GALNT17: variants seen among roughly 807,000 people sequenced by gnomAD.
GALNT17 encodes polypeptide N-acetylgalactosaminyltransferase 17.
A neutral mutation model predicts 63.7 loss-of-function variants in GALNT17; 29 were observed. That is an observed-to-expected ratio of 0.46 (90% confidence interval 0.34 to 0.62). GALNT17 has a LOEUF of 0.62. Ranked by LOEUF, GALNT17 falls within the 20% of genes least tolerant of loss-of-function variation. The probability of loss-of-function intolerance (pLI) is 0.01; values close to 1 mark genes in which losing one functional copy is unlikely to be tolerated. For synonymous variants in GALNT17, 305 were observed against 318.3 expected (o/e 0.96, Z 0.45); for missense variants, 603 against 799.6 (o/e 0.75, Z 2.97).
At chr7:71,264,815 A>T (rs1790457925) in intron 1 of GALNT17, among the ~76,000 whole-genome samples, 1 of 152,116 alleles carries the variant, frequency 6.6e-6, no homozygotes, top group African/African-American at 2.4e-5. Flanking sequence ...GATAGATACC[A>T]GAGGCTGGGA....
In GALNT17 at chr7:71,414,198, G is replaced by A. The variant is rs1036276192; in HGVS notation, c.590-1691G>A. On this transcript the variant is annotated intron_variant, in intron 3 of 10. Transcript: ENST00000333538. ...GGAGGTTGCAGTGAGCTGAGATCGC[G>A]CCACTGCATTTCAGCCTGGGCAACG... Among the ~76,000 whole-genome samples the A allele has an allele frequency of 2.1e-4, 32 of 152,048 alleles. 1 individual carries two copies. Among genetic ancestry groups the A allele is most frequent in the African/African-American group, 5.6e-4 (23 of 41,410 alleles).
At chr7:71,664,968 A>ATTATTTAT (rs370230791) in intron 6 of GALNT17, among the ~76,000 whole-genome samples, 42 of 151,978 alleles carry the variant, frequency 2.8e-4, no homozygotes, top group African/African-American at 9.9e-4. Context: ...TCTCATTGGC[A>ATTATTTAT]TTATTTATTT....
At chr7:71,646,123 A>G (rs1272468803) in intron 6 of GALNT17, among the ~76,000 whole-genome samples, 1 of 152,206 alleles carries the variant, frequency 6.6e-6, no homozygotes, top group Non-Finnish European at 1.5e-5. Context: ...CTGATACACC[A>G]TCGTGGAACA....
intron 5 of GALNT17, among the ~76,000 whole-genome samples, chr7:71,462,362 G>C (rs772724823): frequency 2.0e-5 from 3 of 152,240 alleles, no homozygotes; most frequent in Non-Finnish European, 4.4e-5. Context: ...AGAGGAGAGA[G>C]ATTGGGGTCA....
chr7:71,658,184 G>A (rs947750172), intron 6 of GALNT17, among the ~76,000 whole-genome samples: 2 of 152,218 alleles, frequency 1.3e-5, no homozygotes, highest in Admixed American at 6.5e-5. Flanking sequence ...TGGGATTCCA[G>A]TCATATGCCA....
intron 3 of GALNT17, among the ~76,000 whole-genome samples, chr7:71,402,938 C>A (rs560166712): frequency 3.3e-5 from 5 of 152,298 alleles, no homozygotes; most frequent in South Asian, 4.1e-4. Flanking sequence ...TGCCTTCCCC[C>A]CTGCCTGTAA....
chr7:71,437,199 A>T (rs1786981332), intron 5 of GALNT17, among the ~76,000 whole-genome samples: 1 of 151,956 alleles, frequency 6.6e-6, no homozygotes, highest in Admixed American at 6.6e-5. Context: ...TAGATAAACT[A>T]CTCTGCATCC....
intron 1 of GALNT17, among the ~76,000 whole-genome samples, chr7:71,202,075 G>A (rs1316914294): frequency 1.3e-5 from 2 of 152,076 alleles, no homozygotes; most frequent in Admixed American, 1.3e-4. Flanking sequence ...GTTCAATGAA[G>A]AAAATCCTCT....
chr7:71,263,931 CA>C (rs1284424263), intron 1 of GALNT17, among the ~76,000 whole-genome samples: 2 of 151,870 alleles, frequency 1.3e-5, no homozygotes. Context: ...CCCAAAAAAA[CA>C]AAAAAACAAC....
chr7:71,702,356 C>T (rs891060305), intron 9 of GALNT17, among the ~76,000 whole-genome samples: 2 of 152,098 alleles, frequency 1.3e-5, no homozygotes, highest in African/African-American at 4.8e-5. Context: ...TGCAAAGGCT[C>T]TGAGCAGGAG....
intron 7 of GALNT17, among the ~76,000 whole-genome samples, chr7:71,668,489 C>T (rs1489387241): frequency 1.8e-5 from 2 of 108,276 alleles, no homozygotes; most frequent in Non-Finnish European, 3.4e-5. Flanking sequence ...GCACTCCAGC[C>T]TGGGCAACAA....
intron 1 of GALNT17, among the ~76,000 whole-genome samples, chr7:71,296,982 A>G (rs1329631290): frequency 6.6e-6 from 1 of 152,214 alleles, no homozygotes; most frequent in East Asian, 1.9e-4. Flanking sequence ...TTCCTAGTCC[A>G]GTTCCCTCCT....
At chr7:71,711,814 C>T (rs1791797487) in intron 10 of GALNT17, among the ~76,000 whole-genome samples, 1 of 150,586 alleles carries the variant, frequency 6.6e-6, no homozygotes, top group Non-Finnish European at 1.5e-5. Flanking sequence ...TATCTTCTCT[C>T]TTTCTCCTCT....
intron 1 of GALNT17, among the ~76,000 whole-genome samples, chr7:71,286,751 GT>G (rs71089931): frequency 0.71 from 106,111 of 148,622 alleles, 38,167 homozygotes; most frequent in African/African-American, 0.82. Flanking sequence ...CCTTGTTTTT[GT>G]TTTTTTTTTT....
chr7:71,423,236 G>C (rs1786699558), intron 5 of GALNT17, among the ~76,000 whole-genome samples: 1 of 152,196 alleles, frequency 6.6e-6, no homozygotes, highest in South Asian at 2.1e-4. Flanking sequence ...GCCCTTGCCA[G>C]GGACCCTGCC....
At chr7:71,562,401 A>G (rs778590193) in intron 5 of GALNT17, among the ~76,000 whole-genome samples, 11 of 152,238 alleles carry the variant, frequency 7.2e-5, no homozygotes, top group Non-Finnish European at 1.6e-4. Context: ...ACATTGTAAT[A>G]TATAATGAAA....
intron 2 of GALNT17, among the ~76,000 whole-genome samples, chr7:71,339,766 C>T (rs987312301): frequency 2.6e-5 from 4 of 151,996 alleles, no homozygotes; most frequent in Admixed American, 6.6e-5. Flanking sequence ...AAGGAGCACA[C>T]TTGGTTGGGT....
chr7:71,163,821 G>A (rs1250712881), intron 1 of GALNT17, among the ~76,000 whole-genome samples: 1 of 152,188 alleles, frequency 6.6e-6, no homozygotes, highest in Admixed American at 6.5e-5. Flanking sequence ...GGGATGTAGT[G>A]ATTGCCATCT....
At chr7:71,184,950 T>C (rs1390625151) in intron 1 of GALNT17, among the ~76,000 whole-genome samples, 1 of 80,012 alleles carries the variant, frequency 1.2e-5, no homozygotes, top group Admixed American at 1.5e-4. Flanking sequence ...CTTCCTTCCT[T>C]CCTTCCTTCC....
Sources: allele counts gnomAD v4.1 joint callset (sites outside exome capture counted in the v4.1 genomes callset), GRCh38; gene constraint gnomAD v4.1.1; transcripts MANE v1.5; gene names NCBI Gene and HGNC (gene_info 2026-07-23, HGNC 2026-07-21).